Variants in CDH7 observed in about 807,000 individuals in gnomAD.
CDH7 encodes the protein cadherin-7.
CDH7 carries 25 observed loss-of-function variants against 71.8 expected under a neutral mutation model. The observed-to-expected ratio is 0.35, with a 90% confidence interval of 0.25 to 0.49. The LOEUF (loss-of-function observed/expected upper bound fraction) is 0.49, where lower values mean the gene tolerates loss of function less well. Among genes scored for constraint, CDH7 ranks in the 20% least tolerant of loss-of-function variants. The pLI is 0.99. For synonymous variants in CDH7, 381 were observed against 363.8 expected (o/e 1.05, Z -0.54); for missense variants, 862 against 974.6 (o/e 0.88, Z 1.54).
intron 2 of CDH7, among the ~76,000 whole-genome samples, chr18:65,804,225 T>A (rs554347065): frequency 6.6e-6 from 1 of 152,160 alleles, no homozygotes; most frequent in Admixed American, 6.5e-5. Context: ...ATTATAACAA[T>A]TTACCTTTAT....
At chr18:65,826,635 A>G (rs1276960891) in intron 6 of CDH7, among the ~76,000 whole-genome samples, 1 of 151,554 alleles carries the variant, frequency 6.6e-6, no homozygotes, top group Non-Finnish European at 1.5e-5. Flanking sequence ...TAATAGTATC[A>G]TTTCTAAATC....
At chr18:65,822,006 ACTTGTATCAGTATT>A in intron 4 of CDH7, 61 bp from the exon 5 acceptor site, 1 of 1,147,004 alleles carries the variant, frequency 8.7e-7, no homozygotes, top group Non-Finnish European at 1.3e-6. Context: ...GGGACTTACT[ACTTGTATCAGTATT>A]CTTTGTTAGT....
chr18:65,844,875 TA>T (rs1912879880), intron 7 of CDH7, among the ~76,000 whole-genome samples: 1 of 152,058 alleles, frequency 6.6e-6, no homozygotes, highest in South Asian at 2.1e-4. Flanking sequence ...CTTTTCAACA[TA>T]AAGGTTTGAT....
chr18:65,830,725 C>CTCTTTCTTTCTT (rs10681636), intron 6 of CDH7, among the ~76,000 whole-genome samples: 53 of 130,762 alleles, frequency 4.1e-4, no homozygotes, highest in African/African-American at 1.5e-3. Flanking sequence ...TTCTCTCTCT[C>CTCTTTCTTTCTT]TCTTTCTTTC....
chr18:65,805,841 G>C (rs1210666529), intron 2 of CDH7, among the ~76,000 whole-genome samples: 2 of 152,128 alleles, frequency 1.3e-5, no homozygotes, highest in African/African-American at 4.8e-5. Context: ...TGAGGGGTGT[G>C]ATATAATTTA....
chr18:65,769,968 A>G (rs978963738), intron 2 of CDH7, among the ~76,000 whole-genome samples: 1 of 152,152 alleles, frequency 6.6e-6, no homozygotes, highest in Admixed American at 6.6e-5. Context: ...TGAAAGCTCT[A>G]AAATCTTGAA....
intron 4 of CDH7, among the ~76,000 whole-genome samples, chr18:65,818,339 G>A (rs1325387617): frequency 6.6e-6 from 1 of 152,104 alleles, no homozygotes; most frequent in Non-Finnish European, 1.5e-5. Context: ...TGCTCCAACA[G>A]GAGCTCTTCA....
intron 2 of CDH7, among the ~76,000 whole-genome samples, chr18:65,781,840 T>TCTCTCTCTGTCTCTC (rs1910232536): frequency 1.0e-5 from 1 of 96,318 alleles, no homozygotes; most frequent in African/African-American, 6.8e-5. Context: ...CTTTCTTTCT[T>TCTCTCTCTGTCTCTC]TCTTTCTTTC....
intron 1 of CDH7, among the ~76,000 whole-genome samples, chr18:65,753,449 C>T (rs1490628697): frequency 6.6e-6 from 1 of 152,210 alleles, no homozygotes; most frequent in Non-Finnish European, 1.5e-5. Flanking sequence ...TCACAGTTCT[C>T]TCTCTCTTAC....
Position 65,859,832 on chromosome 18 carries a change from T to G in CDH7, c.1612+7T>G. ...TCATTGAAAGATAACAAAGGTAATG[T>G]ATTAATATTGTTACCGATAGAGGCA... On this transcript the variant is annotated splice_region_variant and intron_variant, in intron 10 of 11. Transcript: ENST00000397968. 1 of 1,471,864 alleles carries G rather than the reference T, an allele frequency of 6.8e-7. No individual in the cohort carries two copies. The highest frequency in any genetic ancestry group is 9.5e-7 in the Non-Finnish European group (1 of 1,050,976). 91.2% of individuals were successfully genotyped at this position (1,471,864 alleles called of 1,614,324 possible).
At chr18:65,768,418 A>G (rs923248914) in intron 2 of CDH7, among the ~76,000 whole-genome samples, 1 of 152,048 alleles carries the variant, frequency 6.6e-6, no homozygotes, top group African/African-American at 2.4e-5. Flanking sequence ...TATTTTTAGT[A>G]GAGACGAGGG....
At chr18:65,781,340 A>T (rs1043948651) in intron 2 of CDH7, among the ~76,000 whole-genome samples, 1 of 152,172 alleles carries the variant, frequency 6.6e-6, no homozygotes, top group African/African-American at 2.4e-5. Flanking sequence ...GTAAAACATG[A>T]TTGGGAAAAG....
intron 2 of CDH7, among the ~76,000 whole-genome samples, chr18:65,807,552 A>G (rs961289953): frequency 1.3e-5 from 2 of 152,200 alleles, no homozygotes; most frequent in African/African-American, 4.8e-5. Context: ...ATTGCACACC[A>G]CTGTCAGCAG....
In CDH7 at chr18:65,809,956, G is replaced by T; in HGVS notation, c.463G>T (p.Asp155Tyr). 1 of 1,613,944 alleles carries T rather than the reference G, an allele frequency of 6.2e-7. No homozygotes were observed. Among genetic ancestry groups the T allele is most frequent in the South Asian group, 1.1e-5 (1 of 91,078 alleles). The change falls in exon 3 of 12, where the codon GAT becomes TAT. Residue 155 changes from aspartate (D) to tyrosine (Y), a missense_variant. Coordinates refer to ENST00000397968, the MANE Select transcript of CDH7 (RefSeq NM_004361.5). ...DINDNEPKFL[D>Y]GPYTAGVPEM... is the part of the protein sequence containing the mutation. ...CAACGACAATGAACCCAAATTTTTGGATGGCCCATACACGGCAGGAGTTCC... is the reference window on the plus strand; with the variant it reads ...CAACGACAATGAACCCAAATTTTTGTATGGCCCATACACGGCAGGAGTTCC...
Position 65,844,016 on chromosome 18 carries a change from A to G in CDH7, c.1186A>G (p.Ile396Val), listed in dbSNP as rs144358265. The G allele has an allele frequency of 1.9e-6, 3 of 1,612,926 alleles. No homozygotes were observed. The highest frequency in any genetic ancestry group is 2.5e-6 in the Non-Finnish European group (3 of 1,179,424). Reference protein sequence around the residue: ...VSEATQVGNIIGTVAAHDPDS... With the variant: ...VSEATQVGNIVGTVAAHDPDS... ...GGAAGCTACCCAGGTTGGGAATATC[A>G]TTGGCACTGTAGCAGCTCATGACCC... The change falls in exon 7 of 12, where the codon ATT (isoleucine) becomes GTT (valine). Residue 396 changes from isoleucine to valine, a missense_variant. Ile to Val is a conservative substitution (Grantham distance 29, BLOSUM62 3). Coordinates refer to ENST00000397968, the MANE Select transcript of CDH7 (RefSeq NM_004361.5).
chr18:65,862,804 A>C lies in CDH7; in HGVS notation c.1751A>C (p.Asp584Ala). The C allele has an allele frequency of 6.2e-7, 1 of 1,614,148 alleles. No homozygotes were observed. The highest frequency in any genetic ancestry group is 8.5e-7 in the Non-Finnish European group (1 of 1,180,010). The part of the protein sequence containing the change: ...STNTLTIRVC[D>A]CDADGVAQTC... The stretch of plus-strand genomic sequence containing the variant: ...AACACCCTCACCATCCGCGTGTGTG[A>C]CTGTGATGCTGACGGCGTAGCCCAG... The change falls in exon 11 of 12, where the codon GAC becomes GCC. Residue 584 changes from aspartate (D) to alanine (A), a missense_variant. Coordinates refer to ENST00000397968, the MANE Select transcript of CDH7 (RefSeq NM_004361.5).
chr18:65,838,704 G>A (rs1211346147), intron 6 of CDH7, among the ~76,000 whole-genome samples: 1 of 152,170 alleles, frequency 6.6e-6, no homozygotes, highest in Non-Finnish European at 1.5e-5. Flanking sequence ...GAAGAAAAAT[G>A]AAGTGCAATG....
rs1275558183 is a variant in CDH7, at chr18:65,886,125, T to G, written c.*5231T>G. The G allele has an allele frequency of 6.6e-6, 1 of 152,192 alleles. No homozygotes were observed. Among genetic ancestry groups the G allele is most frequent in the East Asian group, 1.9e-4 (1 of 5,196 alleles). The allele number at this position is 152,192 out of a possible 1,614,324, so 9.4% of individuals were successfully genotyped here. A position where few individuals can be genotyped will look rare whatever the true frequency, so the allele number is the denominator to read the frequency against. ...GATGCCATTTTCATTCTCTGAACTT[T>G]TATAGCTTCATGATTAAAATTGAGT... On this transcript the variant is annotated 3_prime_UTR_variant, in exon 12 of 12. Coordinates refer to ENST00000397968, the MANE Select transcript of CDH7 (RefSeq NM_004361.5).
chr18:65,831,779 G>A (rs1278162915), intron 6 of CDH7, among the ~76,000 whole-genome samples: 2 of 148,836 alleles, frequency 1.3e-5, no homozygotes, highest in Non-Finnish European at 3.0e-5. Context: ...TTGAATCCGA[G>A]TTGGAAGACT....
Sources: gnomAD v4.1 joint callset for allele counts (sites outside exome capture counted in the v4.1 genomes callset) on GRCh38, gnomAD v4.1.1 for gene constraint, MANE v1.5 for transcripts, NCBI Gene and HGNC (gene_info 2026-07-23, HGNC 2026-07-21) for gene names.